UBR3: variants seen among roughly 807,000 people sequenced by gnomAD.
The protein encoded by UBR3 is E3 ubiquitin-protein ligase UBR3.
UBR3 carries 85 observed loss-of-function variants against 243.2 expected under a neutral mutation model. That is an observed-to-expected ratio of 0.35 (90% confidence interval 0.29 to 0.42). UBR3 has a LOEUF of 0.42. Ranked by LOEUF, UBR3 falls within the 10% of genes least tolerant of loss-of-function variation. The pLI is 1.00. For synonymous variants in UBR3, 748 were observed against 799.8 expected, an observed-to-expected ratio of 0.94 and a Z score of 1.09; for missense variants, 1,686 against 2,300.8, an observed-to-expected ratio of 0.73 and a Z score of 5.47.
At chr2:169,846,487 G>C (rs1054561077) in intron 1 of UBR3, among the ~76,000 whole-genome samples, 1 of 152,134 alleles carries the variant, frequency 6.6e-6, no homozygotes, top group Non-Finnish European at 1.5e-5. Flanking sequence ...CAAGGTGGGT[G>C]GATCACAAGG....
At chr2:169,991,464 G>A (rs1025653109) in intron 25 of UBR3, among the ~76,000 whole-genome samples, 1 of 152,136 alleles carries the variant, frequency 6.6e-6, no homozygotes, top group African/African-American at 2.4e-5. Flanking sequence ...CATTTTAAAA[G>A]ATTGAAATTA....
At chr2:170,046,577 A>G (rs1347076727) in intron 32 of UBR3, among the ~76,000 whole-genome samples, 3 of 152,226 alleles carry the variant, frequency 2.0e-5, no homozygotes, top group Non-Finnish European at 4.4e-5. Context: ...TACTTCATGG[A>G]TAATGTTAAA....
intron 1 of UBR3, among the ~76,000 whole-genome samples, chr2:169,841,385 C>T (rs2082281850): frequency 6.6e-6 from 1 of 152,196 alleles, no homozygotes; most frequent in Non-Finnish European, 1.5e-5. Context: ...CCTCAGAGCC[C>T]TCGCTTGCTC....
chr2:169,963,443 T>C (rs2087669609), intron 24 of UBR3, among the ~76,000 whole-genome samples: 1 of 152,214 alleles, frequency 6.6e-6, no homozygotes, highest in South Asian at 2.1e-4. Context: ...GGTGAAATTC[T>C]CTCCTACCAC....
intron 19 of UBR3, among the ~76,000 whole-genome samples, chr2:169,936,695 C>G (rs1048575183): frequency 6.6e-6 from 1 of 151,934 alleles, no homozygotes; most frequent in Non-Finnish European, 1.5e-5. Context: ...CAACAGGGCC[C>G]GGTGTGTGAT....
At chr2:169,856,703 G>A (rs963625426) in intron 1 of UBR3, among the ~76,000 whole-genome samples, 7 of 152,246 alleles carry the variant, frequency 4.6e-5, no homozygotes, top group Middle Eastern at 3.4e-3. Context: ...ATGGCGGCGC[G>A]CGCCTGCAAT....
intron 11 of UBR3, 147 bp downstream of exon 11, chr2:169,914,293 AAG>A (rs2085367081): frequency 2.5e-6 from 1 of 393,410 alleles, no homozygotes. Flanking sequence ...GGCTTTGAAA[AAG>A]AAATCTAAAG....
intron 24 of UBR3, among the ~76,000 whole-genome samples, chr2:169,983,174 C>CA (rs1384827750): frequency 0.079 from 11,812 of 149,004 alleles, 1,678 homozygotes; most frequent in Admixed American, 0.13. Flanking sequence ...AGAGTGAGAG[C>CA]AGGAGAGAGA....
intron 2 of UBR3, among the ~76,000 whole-genome samples, chr2:169,873,534 G>A (rs1261191549): frequency 6.6e-6 from 1 of 151,954 alleles, no homozygotes; most frequent in Non-Finnish European, 1.5e-5. Context: ...GCTGGGTGTG[G>A]TGGTGGCATG....
intron 18 of UBR3, among the ~76,000 whole-genome samples, chr2:169,931,350 TAAAAAAA>T (rs66951181): frequency 1.1e-5 from 1 of 87,568 alleles, no homozygotes; most frequent in Non-Finnish European, 2.1e-5. Context: ...GAATCTGTCT[TAAAAAAA>T]AAAAAAAAAA....
At chr2:169,845,406 T>C (rs576895717) in intron 1 of UBR3, among the ~76,000 whole-genome samples, 1 of 145,422 alleles carries the variant, frequency 6.9e-6, no homozygotes, top group East Asian at 2.0e-4. Context: ...CTGGGTGACA[T>C]AGTGAGACCC....
chr2:169,895,678 A>G (rs767524226), intron 7 of UBR3, among the ~76,000 whole-genome samples: 14 of 152,296 alleles, frequency 9.2e-5, no homozygotes, highest in Non-Finnish European at 2.9e-5. Context: ...AATGGGGGCA[A>G]TTGAATTTAG....
intron 7 of UBR3, 65 bp from the exon 8 acceptor site, chr2:169,896,442 G>A: frequency 9.4e-7 from 1 of 1,062,198 alleles, no homozygotes; most frequent in Non-Finnish European, 1.3e-6. Context: ...ATGATATATT[G>A]AAAATGATTT....
chr2:169,960,833 G>T (rs1420092938), intron 24 of UBR3, among the ~76,000 whole-genome samples: 2 of 151,998 alleles, frequency 1.3e-5, no homozygotes, highest in African/African-American at 4.8e-5. Flanking sequence ...ATGACTTTTT[G>T]AATGCTGTTG....
At chr2:169,956,413 T>G (rs1199783055) in intron 23 of UBR3, among the ~76,000 whole-genome samples, 1 of 151,982 alleles carries the variant, frequency 6.6e-6, no homozygotes, top group Admixed American at 6.6e-5. Flanking sequence ...GTCCTGACAC[T>G]CTGTGCTAGG....
At chr2:169,921,031 A>C (rs561394845) in intron 11 of UBR3, among the ~76,000 whole-genome samples, 22 of 152,188 alleles carry the variant, frequency 1.4e-4, no homozygotes, top group Non-Finnish European at 1.9e-4. Flanking sequence ...AGAAAGAAGA[A>C]AGTGGATTTA....
At chr2:169,985,413 A>G (rs1216978174) in intron 24 of UBR3, among the ~76,000 whole-genome samples, 1 of 151,710 alleles carries the variant, frequency 6.6e-6, no homozygotes, top group African/African-American at 2.4e-5. Context: ...TATTTTTAGT[A>G]GAGACAGGGT....
chr2:170,042,756 G>A (rs1221428959), intron 32 of UBR3, among the ~76,000 whole-genome samples: 1 of 149,370 alleles, frequency 6.7e-6, no homozygotes, highest in East Asian at 1.9e-4. Context: ...AGCTAGAAGT[G>A]GAATTGCTGG....
chr2:169,946,277 C>T lies in UBR3; in HGVS notation c.2806-11C>T. On this transcript the variant is annotated splice_polypyrimidine_tract_variant and intron_variant, in intron 20 of 38. Coordinates refer to ENST00000272793, the MANE Select transcript of UBR3 (RefSeq NM_172070.4). ...AAAGTAATTATGAGGCATTTTCTTCCCTTTTTAAAGATTTTGATGGATCAT... is the reference window on the plus strand; with the variant it reads ...AAAGTAATTATGAGGCATTTTCTTCTCTTTTTAAAGATTTTGATGGATCAT... 1.4e-6 allele frequency: 2 copies of T among 1,422,226 alleles called. No individual in the cohort carries two copies. Among genetic ancestry groups the T allele is most frequent in the East Asian group, 2.8e-5 (1 of 36,338 alleles). 88.1% of individuals were successfully genotyped at this position (1,422,226 alleles called of 1,614,324 possible).
Sources: allele counts gnomAD v4.1 joint callset (sites outside exome capture counted in the v4.1 genomes callset), GRCh38; gene constraint gnomAD v4.1.1; transcripts MANE v1.5; gene names NCBI Gene and HGNC (gene_info 2026-07-23, HGNC 2026-07-21).